CALN1: variants seen among roughly 807,000 people sequenced by gnomAD.
CALN1 encodes calneuron 1, also known as calcium-binding protein 8.
In CALN1, 17 loss-of-function variants were observed where a neutral mutation model predicts 30.6. The observed-to-expected ratio is 0.56, with a 90% CI of 0.38 to 0.83. CALN1 has a LOEUF of 0.83. Among genes scored for constraint, CALN1 ranks in the 40% least tolerant of loss-of-function variants. CALN1 has a pLI of 0.00. For synonymous variants in CALN1, 156 were observed against 131.4 expected (o/e 1.19, Z -1.28); for missense variants, 291 against 354.9 (o/e 0.82, Z 1.45).
intron 3 of CALN1, among the ~76,000 whole-genome samples, chr7:72,251,897 T>C (rs926612698): frequency 6.6e-6 from 1 of 152,136 alleles, no homozygotes; most frequent in African/African-American, 2.4e-5. Flanking sequence ...TTCTTACAAT[T>C]GCATGTGACT....
intron 2 of CALN1, among the ~76,000 whole-genome samples, chr7:72,366,598 T>C (rs1045347303): frequency 2.6e-5 from 4 of 152,112 alleles, no homozygotes; most frequent in Non-Finnish European, 5.9e-5. Flanking sequence ...GCAATGTACA[T>C]TGTACCTAAT....
At position 72,272,683 on chromosome 7, in the gene CALN1, C is replaced by T. The variant is rs555402467; in HGVS notation, c.244+6003G>A. 3.3e-5 allele frequency among the ~76,000 whole-genome samples: 5 copies of T among 152,294 alleles called. No individual in the cohort carries two copies. In the South Asian group the frequency reaches 1.0e-3, roughly 32 times the overall value. On this transcript the variant is annotated intron_variant, in intron 3 of 6. Transcript: ENST00000395275. ...ATTGGAGAGACACAATTTCCACCCA[C>T]ACTTGGAACTACAGTGGCACATAAG...
At chr7:72,468,379 T>A in the CALN1 span, among the ~76,000 whole-genome samples, 3 of 152,316 alleles carry the variant, frequency 2.0e-5, no homozygotes, top group East Asian at 5.8e-4. Context: ...AGAGGTGTGA[T>A]CTTGGCTCAC....
chr7:72,381,771 G>A (rs1804917583), intron 2 of CALN1, among the ~76,000 whole-genome samples: 1 of 152,294 alleles, frequency 6.6e-6, no homozygotes, highest in East Asian at 1.9e-4. Context: ...AAACCTAGAT[G>A]ACGGGTTGAT....
chr7:72,001,403 CAA>C (rs1799521824), intron 5 of CALN1, among the ~76,000 whole-genome samples: 1 of 152,166 alleles, frequency 6.6e-6, no homozygotes, highest in African/African-American at 2.4e-5. Flanking sequence ...GCATCCAACT[CAA>C]GAGAGCATGA....
intron 2 of CALN1, among the ~76,000 whole-genome samples, chr7:72,339,626 C>T (rs1226509846): frequency 6.6e-6 from 1 of 152,142 alleles, no homozygotes; most frequent in African/African-American, 2.4e-5. Context: ...TAAAGACATA[C>T]CTAAGACTGG....
At chr7:72,424,183 C>A (rs1228200517) in intron 1 of CALN1, among the ~76,000 whole-genome samples, 1 of 152,112 alleles carries the variant, frequency 6.6e-6, no homozygotes, top group Non-Finnish European at 1.5e-5. Flanking sequence ...GCCAACCCTG[C>A]CCTCAGTCTC....
At chr7:72,166,642 T>C (rs1788544142) in intron 3 of CALN1, among the ~76,000 whole-genome samples, 1 of 152,130 alleles carries the variant, frequency 6.6e-6, no homozygotes, top group Non-Finnish European at 1.5e-5. Context: ...GAGCAAAATA[T>C]GGGAAACAGA....
chr7:72,127,699 G>T (rs959122501), intron 3 of CALN1, among the ~76,000 whole-genome samples: 1 of 152,180 alleles, frequency 6.6e-6, no homozygotes, highest in African/African-American at 2.4e-5. Context: ...AATCCAGAAG[G>T]TTTGTTTGAT....
At chr7:71,886,284 G>A (rs771516191) in intron 5 of CALN1, among the ~76,000 whole-genome samples, 1 of 152,248 alleles carries the variant, frequency 6.6e-6, no homozygotes, top group South Asian at 2.1e-4. Context: ...CAAAGTCACA[G>A]CAGCCCAAGT....
At chr7:72,060,952 A>G (rs1032878293) in intron 4 of CALN1, among the ~76,000 whole-genome samples, 1 of 152,228 alleles carries the variant, frequency 6.6e-6, no homozygotes, top group African/African-American at 2.4e-5. Flanking sequence ...TCTCCATACC[A>G]AGGCAAACTC....
At chr7:71,838,181 A>AT (rs1789732124) in intron 5 of CALN1, among the ~76,000 whole-genome samples, 1 of 152,228 alleles carries the variant, frequency 6.6e-6, no homozygotes, top group Admixed American at 6.5e-5. Flanking sequence ...GCCATGGTTA[A>AT]TATGAATGGA....
At chr7:71,867,307 A>G (rs1791644572) in intron 5 of CALN1, among the ~76,000 whole-genome samples, 1 of 152,224 alleles carries the variant, frequency 6.6e-6, no homozygotes. Flanking sequence ...CATGTAAACT[A>G]TAAAATACAT....
At chr7:72,500,344 G>A in the CALN1 span, among the ~76,000 whole-genome samples, 2 of 122,804 alleles carry the variant, frequency 1.6e-5, no homozygotes, top group Non-Finnish European at 3.2e-5. Context: ...GCAGTGTCGC[G>A]ATCTCGGTTC....
At chr7:72,016,474 T>A (rs1172744885) in intron 5 of CALN1, among the ~76,000 whole-genome samples, 2 of 151,868 alleles carry the variant, frequency 1.3e-5, no homozygotes, top group Non-Finnish European at 2.9e-5. Context: ...TCTCCCTCTG[T>A]TGACCAGGCA....
intron 3 of CALN1, among the ~76,000 whole-genome samples, chr7:72,138,354 T>G (rs1259965931): frequency 6.6e-6 from 1 of 152,174 alleles, no homozygotes; most frequent in African/African-American, 2.4e-5. Flanking sequence ...TTCTACAAAA[T>G]GAAACCAACA....
chr7:71,904,178 A>ACCCAGCAAT (rs1049257309), intron 5 of CALN1, among the ~76,000 whole-genome samples: 53 of 152,334 alleles, frequency 3.5e-4, no homozygotes, highest in African/African-American at 1.2e-3. Flanking sequence ...CTGCCCTAAG[A>ACCCAGCAAT]CCCAGCAATC....
chr7:72,143,223 T>C (rs1810086352), intron 3 of CALN1, among the ~76,000 whole-genome samples: 1 of 152,084 alleles, frequency 6.6e-6, no homozygotes, highest in South Asian at 2.1e-4. Context: ...GTTAAAAACC[T>C]TGAAAAAAGA....
At chr7:72,220,088 T>C (rs1411280400) in intron 3 of CALN1, among the ~76,000 whole-genome samples, 4 of 151,998 alleles carry the variant, frequency 2.6e-5, no homozygotes, top group African/African-American at 9.6e-5. Context: ...ACGTGCACAA[T>C]GTGCAGGTTT....
Sources: allele counts gnomAD v4.1 joint callset (sites outside exome capture counted in the v4.1 genomes callset), GRCh38; gene constraint gnomAD v4.1.1; transcripts MANE v1.5; gene names NCBI Gene and HGNC (gene_info 2026-07-23, HGNC 2026-07-21).